The following GCA variants were observed in gnomAD, a reference collection of about 807,000 sequenced individuals.
GCA encodes the protein grancalcin, EF-hand calcium-binding protein.
A neutral mutation model predicts 32.6 loss-of-function variants in GCA; 30 were observed. The ratio of observed to expected loss-of-function variants is 0.92; its 90% CI spans 0.69 to 1.25. GCA has a LOEUF of 1.25. Among genes scored for constraint, GCA ranks in the 50% most tolerant of loss-of-function variants. The pLI is 0.00. For missense variants in GCA, 291 were observed against 266.8 expected (o/e 1.09, Z -0.63); for synonymous variants, 102 against 84.6 (o/e 1.21, Z -1.13).
chr2:162,328,000 C>T (rs1683945864), intron 1 of GCA, among the ~76,000 whole-genome samples: 1 of 152,130 alleles, frequency 6.6e-6, no homozygotes, highest in African/African-American at 2.4e-5. Context: ...TCTGCCTGGG[C>T]TCCCACTTTG....
chr2:162,348,888 C>A (rs76771729), intron 2 of GCA, among the ~76,000 whole-genome samples: 2 of 152,044 alleles, frequency 1.3e-5, no homozygotes, highest in African/African-American at 4.8e-5. Context: ...AGTAAATATT[C>A]AAGATCGGAA....
intron 1 of GCA, among the ~76,000 whole-genome samples, chr2:162,331,493 G>C (rs1684082984): frequency 6.6e-6 from 1 of 152,214 alleles, no homozygotes; most frequent in Admixed American, 6.5e-5. Flanking sequence ...GCCTTTAGGA[G>C]GAGGTTAGAC....
upstream of GCA, among the ~76,000 whole-genome samples, chr2:162,341,267 T>TTATATATA (rs3052040): frequency 0.038 from 4,388 of 115,964 alleles, 103 homozygotes; most frequent in Non-Finnish European, 0.041. Context: ...CTTATTTATT[T>TTATATATA]TATATATATA....
intron 1 of GCA, among the ~76,000 whole-genome samples, chr2:162,333,868 T>C (rs1168364829): frequency 9.2e-5 from 14 of 151,576 alleles, no homozygotes; most frequent in Admixed American, 7.2e-4. Flanking sequence ...CATTTAATAA[T>C]TGTGGAACAC....
rs111481902 is a variant in GCA at position 162,344,585 on chromosome 2, T to C, written c.27+310T>C. On this transcript the variant is annotated intron_variant, in intron 1 of 7. Transcript: ENST00000437150. ...ACAAGCCACCCTCTTCTTGTTCCAGTAATCGTTTGTGGTACTTCCCTCCCC... is the reference window on the plus strand; with the variant it reads ...ACAAGCCACCCTCTTCTTGTTCCAGCAATCGTTTGTGGTACTTCCCTCCCC... 8.8e-3 allele frequency: 4,181 copies of C among 473,954 alleles called. 149 individuals carry two copies. The highest frequency in any genetic ancestry group is 0.074 in the African/African-American group (3,772 of 50,840). The allele number at this position is 473,954 out of a possible 1,614,324, so 29.4% of individuals were successfully genotyped here.
intron 4 of GCA, 47 bp downstream of exon 4, chr2:162,356,528 T>C: frequency 2.6e-6 from 3 of 1,165,834 alleles, no homozygotes. Flanking sequence ...GAGTAATTGC[T>C]TTCTGACTAT....
downstream of GCA, chr2:162,371,806 G>A (rs1685956358): frequency 6.3e-7 from 1 of 1,591,680 alleles, no homozygotes; most frequent in South Asian, 1.1e-5. Context: ...TACATTGTAT[G>A]TGGAGTAAAT....
At chr2:162,326,829 C>T (rs1428322610) in intron 1 of GCA, among the ~76,000 whole-genome samples, 1 of 152,154 alleles carries the variant, frequency 6.6e-6, no homozygotes, top group Non-Finnish European at 1.5e-5. Context: ...TCCTTTCCTT[C>T]TTTCCACAAA....
intron 1 of GCA, chr2:162,344,572 C>T (rs758890221): frequency 4.1e-6 from 2 of 491,628 alleles, no homozygotes; most frequent in Non-Finnish European, 7.3e-6. Flanking sequence ...AAGCCACCCT[C>T]TTCTTGTTCC....
chr2:162,373,547 G>A, downstream of GCA: 2 of 1,592,532 alleles, frequency 1.3e-6, no homozygotes, highest in Non-Finnish European at 1.7e-6. Context: ...TGGATGATGG[G>A]TCTCTGATAT....
chr2:162,327,407 G>T (rs1683924046), intron 1 of GCA, among the ~76,000 whole-genome samples: 1 of 151,934 alleles, frequency 6.6e-6, no homozygotes, highest in Non-Finnish European at 1.5e-5. Flanking sequence ...AGTAAAAGGG[G>T]CAAAAAAGGG....
chr2:162,318,857 G>A (rs1203200653), upstream of GCA: 1 of 189,500 alleles, frequency 5.3e-6, no homozygotes, highest in Non-Finnish European at 1.1e-5. Flanking sequence ...AATTCTCTCT[G>A]ACACCAAGAC....
chr2:162,354,690 C>T (rs1237929924), intron 3 of GCA, among the ~76,000 whole-genome samples: 1 of 152,182 alleles, frequency 6.6e-6, no homozygotes, highest in African/African-American at 2.4e-5. Flanking sequence ...TTTCTCATTA[C>T]AAGTTCAGGA....
At chr2:162,328,218 CAA>C (rs35156397) in intron 1 of GCA, among the ~76,000 whole-genome samples, 3,422 of 90,070 alleles carry the variant, frequency 0.038, 104 homozygotes, top group African/African-American at 0.11. Flanking sequence ...CTGTTTCTAC[CAA>C]AAAAAAAAAA....
At chr2:162,328,148 A>G (rs1046328499) in intron 1 of GCA, among the ~76,000 whole-genome samples, 1 of 143,868 alleles carries the variant, frequency 7.0e-6, no homozygotes, top group Non-Finnish European at 1.5e-5. Flanking sequence ...TGGTAGGCCG[A>G]GGTGAGTGGA....
chr2:162,366,851 C>A (rs548324003), downstream of GCA, among the ~76,000 whole-genome samples: 1 of 151,956 alleles, frequency 6.6e-6, no homozygotes, highest in African/African-American at 2.4e-5. Flanking sequence ...GCAACTAGAT[C>A]TTTGGGAGGC....
chr2:162,372,582 A>G (rs1685995464), downstream of GCA, among the ~76,000 whole-genome samples: 1 of 147,986 alleles, frequency 6.8e-6, no homozygotes, highest in African/African-American at 2.7e-5. Flanking sequence ...AACTAGTTAA[A>G]TTAATTTCTA....
chr2:162,362,301 T>G lies in GCA; in HGVS notation c.*2058T>G. ...AACATTCTATGCCGATCCAACTTAA[T>G]TGCCAGGCAACTCTTCTGCACTTTA... is the stretch of plus-strand genomic sequence containing the variant. On this transcript the variant is annotated 3_prime_UTR_variant, in exon 8 of 8. Transcript: ENST00000437150. 2 of 984,542 alleles carry G rather than the reference T, an allele frequency of 2.0e-6. No individual in the cohort carries two copies. Among genetic ancestry groups the G allele is most frequent in the South Asian group, 9.4e-5 (2 of 21,282 alleles). 61.0% of individuals were successfully genotyped at this position (984,542 alleles called of 1,614,324 possible).
chr2:162,373,294 C>T (rs1442072720), downstream of GCA, among the ~76,000 whole-genome samples: 1 of 152,224 alleles, frequency 6.6e-6, no homozygotes, highest in South Asian at 2.1e-4. Flanking sequence ...TAAAAATCAG[C>T]GTGGGCTTGT....
Sources: gnomAD v4.1 joint callset for allele counts (sites outside exome capture counted in the v4.1 genomes callset) on GRCh38, gnomAD v4.1.1 for gene constraint, MANE v1.5 for transcripts, NCBI Gene and HGNC (gene_info 2026-07-23, HGNC 2026-07-21) for gene names.